The following CAMK1D variants were observed in gnomAD, a reference collection of about 807,000 sequenced individuals.
CAMK1D encodes calcium/calmodulin dependent protein kinase ID.
In CAMK1D, 9 loss-of-function variants were observed where a neutral mutation model predicts 47.7. The observed-to-expected ratio is 0.19, with a 90% CI of 0.11 to 0.33. The LOEUF (loss-of-function observed/expected upper bound fraction) is 0.33. CAMK1D is among the 10% of genes least tolerant of loss of function. The pLI is 1.00. For synonymous variants in CAMK1D, 184 were observed against 184.9 expected, an observed-to-expected ratio of 0.99 and a Z score of 0.04; for missense variants, 291 against 488.7, an observed-to-expected ratio of 0.60 and a Z score of 3.81.
chr10:12,449,602 A>G lies in CAMK1D; in HGVS notation c.92+99692A>G, dbSNP rs1437474769. 3.3e-5 allele frequency among the ~76,000 whole-genome samples: 5 copies of G among 152,222 alleles called. 1 individual carries two copies. The South Asian group carries it at 1.0e-3, about 32-fold the overall frequency. On this transcript the variant is annotated intron_variant, in intron 1 of 10. Coordinates refer to ENST00000619168, the MANE Select transcript of CAMK1D (RefSeq NM_153498.4). ...CAAAACATCATGTTACGATGTATAC[A>G]TATATCAAAACATCATGTTACGATG...
intron 10 of CAMK1D, among the ~76,000 whole-genome samples, chr10:12,828,164 A>T (rs778940516): frequency 3.9e-5 from 6 of 152,260 alleles, no homozygotes; most frequent in South Asian, 2.1e-4. Context: ...TGCCTGCTAC[A>T]TATTAAGTGC....
intron 3 of CAMK1D, among the ~76,000 whole-genome samples, chr10:12,740,959 A>C (rs1303639518): frequency 1.3e-5 from 2 of 152,186 alleles, no homozygotes; most frequent in Non-Finnish European, 2.9e-5. Context: ...AATTTCCTTA[A>C]GCAAGGCAAT....
chr10:12,569,640 A>AC (rs1415110097), intron 2 of CAMK1D, among the ~76,000 whole-genome samples: 1 of 137,802 alleles, frequency 7.3e-6, no homozygotes, highest in East Asian at 2.2e-4. Context: ...AATGGCGTGA[A>AC]CCCGGGAGGT....
At chr10:12,651,669 T>C (rs1010927791) in intron 2 of CAMK1D, among the ~76,000 whole-genome samples, 3 of 152,182 alleles carry the variant, frequency 2.0e-5, no homozygotes, top group Non-Finnish European at 4.4e-5. Context: ...CGCAAAGTAC[T>C]GGGATTACAG....
intron 1 of CAMK1D, among the ~76,000 whole-genome samples, chr10:12,453,390 G>C (rs894331198): frequency 2.6e-5 from 4 of 151,786 alleles, no homozygotes; most frequent in African/African-American, 9.7e-5. Flanking sequence ...GGGTTTCACT[G>C]TGTTGGCCAG....
intron 2 of CAMK1D, among the ~76,000 whole-genome samples, chr10:12,614,390 T>A (rs948456745): frequency 1.3e-5 from 2 of 152,256 alleles, no homozygotes; most frequent in Non-Finnish European, 2.9e-5. Context: ...ATATACACAT[T>A]TAAGCAAATG....
At chr10:12,804,402 T>G (rs1314743367) in intron 6 of CAMK1D, among the ~76,000 whole-genome samples, 1 of 151,876 alleles carries the variant, frequency 6.6e-6, no homozygotes, top group Non-Finnish European at 1.5e-5. Flanking sequence ...TTACCTGAGG[T>G]CAGGAGTTCA....
At chr10:12,517,672 C>T (rs189617304) in intron 1 of CAMK1D, among the ~76,000 whole-genome samples, 3 of 152,188 alleles carry the variant, frequency 2.0e-5, no homozygotes, top group Admixed American at 6.5e-5. Flanking sequence ...TAGATTATAT[C>T]GGTTGATTTT....
At chr10:12,536,359 G>C (rs558735645) in intron 1 of CAMK1D, among the ~76,000 whole-genome samples, 1 of 152,110 alleles carries the variant, frequency 6.6e-6, no homozygotes, top group African/African-American at 2.4e-5. Context: ...GCTCACTGCA[G>C]CCTCCGCCTC....
chr10:12,375,090 T>G (rs1485719241), intron 1 of CAMK1D, among the ~76,000 whole-genome samples: 1 of 152,114 alleles, frequency 6.6e-6, no homozygotes, highest in Non-Finnish European at 1.5e-5. Flanking sequence ...AGCCACTCAC[T>G]GCGCCTGAGC....
At chr10:12,744,741 A>T (rs781380194) in intron 3 of CAMK1D, among the ~76,000 whole-genome samples, 14 of 102,698 alleles carry the variant, frequency 1.4e-4, no homozygotes, top group African/African-American at 8.0e-4. Context: ...AATAAAAATT[A>T]AAAAAAAAAA....
At chr10:12,433,633 C>T (rs1381761357) in intron 1 of CAMK1D, among the ~76,000 whole-genome samples, 2 of 152,140 alleles carry the variant, frequency 1.3e-5, no homozygotes, top group Non-Finnish European at 2.9e-5. Context: ...CAATGCCTTG[C>T]GTCCAGAAAG....
intron 1 of CAMK1D, among the ~76,000 whole-genome samples, chr10:12,461,255 C>G (rs372540400): frequency 6.6e-6 from 1 of 152,108 alleles, no homozygotes; most frequent in Non-Finnish European, 1.5e-5. Context: ...CCGTGCTCTG[C>G]GTGTTGTGTT....
chr10:12,557,420 T>C (rs1055981071), intron 2 of CAMK1D, among the ~76,000 whole-genome samples: 7 of 151,406 alleles, frequency 4.6e-5, no homozygotes, highest in East Asian at 3.9e-4. Flanking sequence ...GGTATGGTGG[T>C]GGGCGCCTGT....
intron 6 of CAMK1D, among the ~76,000 whole-genome samples, chr10:12,808,692 C>A (rs1832471080): frequency 6.6e-6 from 1 of 152,002 alleles, no homozygotes; most frequent in Non-Finnish European, 1.5e-5. Context: ...GTAGGAGAAT[C>A]ACTTGAACCC....
intron 1 of CAMK1D, among the ~76,000 whole-genome samples, chr10:12,388,228 T>C (rs1373175800): frequency 1.3e-5 from 2 of 152,182 alleles, no homozygotes; most frequent in Admixed American, 6.5e-5. Flanking sequence ...GGTTTTGTCA[T>C]GTTGGCCAGG....
At chr10:12,784,195 GGTAT>G (rs1837618155) in intron 5 of CAMK1D, among the ~76,000 whole-genome samples, 1 of 122,946 alleles carries the variant, frequency 8.1e-6, no homozygotes, top group Non-Finnish European at 1.7e-5. Context: ...TTGGAGAAAA[GGTAT>G]TTTTTTTTTT....
Position 12,831,384 on chromosome 10 carries a change from A to T in CAMK1D, c.*2497A>T, listed in dbSNP as rs948493957. 55 of 152,224 alleles carry T rather than the reference A, an allele frequency of 3.6e-4. No homozygotes were observed. The highest frequency in any genetic ancestry group is 1.3e-3 in the African/African-American group (52 of 41,458). 9.4% of individuals were successfully genotyped at this position (152,224 alleles called of 1,614,324 possible). A position where few individuals can be genotyped will look rare whatever the true frequency, so the allele number is the denominator to read the frequency against. ...AATGCACCCGAATCTGGTACCTAGG[A>T]TGAGTACATGAATAGTGATGAATAG... is the stretch of plus-strand genomic sequence containing the variant. On this transcript the variant is annotated 3_prime_UTR_variant, in exon 11 of 11. Transcript: ENST00000619168.
At chr10:12,470,342 A>AT (rs1833708017) in intron 1 of CAMK1D, among the ~76,000 whole-genome samples, 1 of 152,138 alleles carries the variant, frequency 6.6e-6, no homozygotes, top group Admixed American at 6.5e-5. Flanking sequence ...CCACTGTGAG[A>AT]TTTTTTATGT....
Sources: allele counts gnomAD v4.1 joint callset (sites outside exome capture counted in the v4.1 genomes callset), GRCh38; gene constraint gnomAD v4.1.1; transcripts MANE v1.5; gene names NCBI Gene and HGNC (gene_info 2026-07-23, HGNC 2026-07-21).